KHDRBS2: variants seen among roughly 807,000 people sequenced by gnomAD.
The protein encoded by KHDRBS2 is KH domain-containing, RNA-binding, signal transduction-associated protein 2.
Under a neutral mutation model 44.3 loss-of-function variants are expected in KHDRBS2, and 26 were observed. That is an observed-to-expected ratio of 0.59 (90% CI 0.43 to 0.81). The LOEUF (loss-of-function observed/expected upper bound fraction) is 0.81. KHDRBS2 is among the 40% of genes least tolerant of loss of function. The pLI is 0.00. For synonymous variants in KHDRBS2, 194 were observed against 151.1 expected, an observed-to-expected ratio of 1.28 and a Z score of -2.08; for missense variants, 476 against 433.1, an observed-to-expected ratio of 1.10 and a Z score of -0.88.
chr6:61,640,805 A>T, the KHDRBS2 span, among the ~76,000 whole-genome samples: 1 of 152,312 alleles, frequency 6.6e-6, no homozygotes, highest in South Asian at 2.1e-4. Flanking sequence ...ACCAGAGATC[A>T]GGTAAGAAAT....
At chr6:61,775,599 C>T (rs536702765) in intron 6 of KHDRBS2, among the ~76,000 whole-genome samples, 1 of 152,098 alleles carries the variant, frequency 6.6e-6, no homozygotes, top group Non-Finnish European at 1.5e-5. Context: ...CGTGAAGGAC[C>T]TCTTCAAGGA....
rs143357930 is a variant in KHDRBS2 at position 62,177,472 on chromosome 6, G to A, written c.92-160C>T. Among the ~76,000 whole-genome samples the A allele has an allele frequency of 2.5e-3, 382 of 151,462 alleles. 3 individuals carry two copies. Among genetic ancestry groups the A allele is most frequent in the African/African-American group, 8.4e-3 (350 of 41,466 alleles). ...GGCCTGAAACAGCATCTCACCAACA[G>A]TTATGTGAATGCTGCTACTGTATGT... On this transcript the variant is annotated intron_variant, in intron 1 of 8. Coordinates refer to ENST00000281156, the MANE Select transcript of KHDRBS2 (RefSeq NM_152688.4).
chr6:62,011,491 T>C (rs771006128), intron 3 of KHDRBS2, among the ~76,000 whole-genome samples: 2 of 152,114 alleles, frequency 1.3e-5, no homozygotes, highest in Admixed American at 6.5e-5. Flanking sequence ...TTGTGGAAAA[T>C]CATTTCATTA....
the KHDRBS2 span, among the ~76,000 whole-genome samples, chr6:61,665,941 G>C: frequency 2.7e-5 from 4 of 150,752 alleles, no homozygotes; most frequent in African/African-American, 9.7e-5. Flanking sequence ...ATTATACTTA[G>C]GAACCAAAAG....
At chr6:61,662,409 A>C in the KHDRBS2 span, among the ~76,000 whole-genome samples, 2 of 151,436 alleles carry the variant, frequency 1.3e-5, no homozygotes, top group Non-Finnish European at 3.0e-5. Context: ...GGATCTAATT[A>C]AACTAAAGAG....
intron 7 of KHDRBS2, among the ~76,000 whole-genome samples, chr6:61,711,441 G>A (rs1242221411): frequency 7.2e-5 from 11 of 151,798 alleles, no homozygotes; most frequent in Non-Finnish European, 1.6e-4. Flanking sequence ...AAATGTCACA[G>A]AGATAAATGT....
At chr6:61,763,789 G>T (rs981910164) in intron 6 of KHDRBS2, among the ~76,000 whole-genome samples, 6 of 151,956 alleles carry the variant, frequency 3.9e-5, no homozygotes, top group African/African-American at 1.5e-4. Flanking sequence ...CTGCACAACT[G>T]GGCTGATAAA....
intron 1 of KHDRBS2, among the ~76,000 whole-genome samples, chr6:62,204,388 G>A (rs1827592498): frequency 6.6e-6 from 1 of 152,130 alleles, no homozygotes; most frequent in Admixed American, 6.6e-5. Context: ...AGGTAAACTG[G>A]ATATTACAAG....
chr6:62,176,125 C>G (rs924504636), intron 2 of KHDRBS2, among the ~76,000 whole-genome samples: 3 of 151,310 alleles, frequency 2.0e-5, no homozygotes, highest in Admixed American at 2.0e-4. Context: ...TATTTCACTA[C>G]TATGCAAATT....
intron 6 of KHDRBS2, among the ~76,000 whole-genome samples, chr6:61,872,357 G>C (rs1329972712): frequency 1.3e-5 from 2 of 151,904 alleles, no homozygotes; most frequent in African/African-American, 2.4e-5. Flanking sequence ...CGGATCATTA[G>C]AAAATATAAT....
chr6:61,644,511 A>C, the KHDRBS2 span, among the ~76,000 whole-genome samples: 1 of 152,150 alleles, frequency 6.6e-6, no homozygotes, highest in Admixed American at 6.6e-5. Context: ...TCAACAGAGT[A>C]AACACAACCT....
At chr6:61,859,406 T>A (rs957087714) in intron 6 of KHDRBS2, among the ~76,000 whole-genome samples, 1 of 151,868 alleles carries the variant, frequency 6.6e-6, no homozygotes, top group Admixed American at 6.6e-5. Context: ...ATAGGAAATA[T>A]ATATTGTTTA....
At chr6:62,208,948 T>G (rs189838942) in intron 1 of KHDRBS2, among the ~76,000 whole-genome samples, 2 of 152,172 alleles carry the variant, frequency 1.3e-5, no homozygotes, top group Non-Finnish European at 1.5e-5. Flanking sequence ...TTGGCAATGA[T>G]TTTTTGTATA....
In KHDRBS2 at chr6:62,286,100, C is replaced by T; in HGVS notation, c.-152G>A. ...TCCTCACTGGCCCATGCACCCAGCA[C>T]CTGCGACTCCCGCCGTCGGGCTGCG... On this transcript the variant is annotated 5_prime_UTR_variant, in exon 1 of 9. It adds an upstream start codon to the 5' untranslated region. Coordinates refer to ENST00000281156, the MANE Select transcript of KHDRBS2 (RefSeq NM_152688.4). The T allele has an allele frequency of 1.7e-6, 1 of 590,966 alleles. No homozygotes were observed. The highest frequency in any genetic ancestry group is 3.0e-6 in the Non-Finnish European group (1 of 336,882). 36.6% of individuals were successfully genotyped at this position (590,966 alleles called of 1,614,324 possible).
At chr6:62,240,540 A>G (rs1489067017) in intron 1 of KHDRBS2, among the ~76,000 whole-genome samples, 1 of 150,828 alleles carries the variant, frequency 6.6e-6, no homozygotes, top group Non-Finnish European at 1.5e-5. Flanking sequence ...AATTAGATAT[A>G]TAATATTTAT....
At chr6:61,920,221 T>A (rs999783332) in intron 4 of KHDRBS2, among the ~76,000 whole-genome samples, 3 of 151,898 alleles carry the variant, frequency 2.0e-5, no homozygotes, top group Non-Finnish European at 4.4e-5. Context: ...TGTGGCCCCA[T>A]TGCCTGGGTG....
At position 62,181,650 on chromosome 6, in the gene KHDRBS2, C is replaced by G. The variant is rs999104022; in HGVS notation, c.92-4338G>C. Among the ~76,000 whole-genome samples, 14 of 152,078 alleles carry G rather than the reference C, an allele frequency of 9.2e-5. 1 individual carries two copies. The highest frequency in any genetic ancestry group is 5.9e-4 in the Admixed American group (9 of 15,218). ...ATAGAGATTCCTTAAAAAAAATTAACCTACCATATGACCTAGTTGTTATGG... is the reference window on the plus strand; with the variant it reads ...ATAGAGATTCCTTAAAAAAAATTAAGCTACCATATGACCTAGTTGTTATGG... On this transcript the variant is annotated intron_variant, in intron 1 of 8. Transcript: ENST00000281156.
At chr6:61,612,977 C>T in the KHDRBS2 span, among the ~76,000 whole-genome samples, 10 of 150,626 alleles carry the variant, frequency 6.6e-5, no homozygotes, top group African/African-American at 2.4e-4. Context: ...CTCAGCCTCC[C>T]GAGTAGCTGG....
intron 1 of KHDRBS2, among the ~76,000 whole-genome samples, chr6:62,253,242 G>C (rs1836834264): frequency 6.6e-6 from 1 of 151,992 alleles, no homozygotes; most frequent in Middle Eastern, 3.2e-3. Flanking sequence ...ATGCTATCAA[G>C]TATCAAGATT....
Sources: allele counts gnomAD v4.1 joint callset (sites outside exome capture counted in the v4.1 genomes callset), GRCh38; gene constraint gnomAD v4.1.1; transcripts MANE v1.5; gene names NCBI Gene and HGNC (gene_info 2026-07-23, HGNC 2026-07-21).